The following BANK1 variants were observed in gnomAD, a reference collection of about 807,000 sequenced individuals.
BANK1 encodes the protein B cell scaffold protein with ankyrin repeats 1.
BANK1 carries 95 observed loss-of-function variants against 94.5 expected under a neutral mutation model. That is an observed-to-expected ratio of 1.00 (90% CI 0.85 to 1.19). BANK1 has a LOEUF of 1.19. Ranked by LOEUF, BANK1 falls within the 50% of genes most tolerant of loss-of-function variation. The probability of loss-of-function intolerance (pLI) is 0.00; values close to 1 mark genes in which losing one functional copy is unlikely to be tolerated. For missense variants in BANK1, 987 were observed against 932.2 expected, an observed-to-expected ratio of 1.06 and a Z score of -0.77; for synonymous variants, 334 against 308.4, an observed-to-expected ratio of 1.08 and a Z score of -0.87.
At chr4:101,932,917 A>G (rs940894309) in intron 7 of BANK1, among the ~76,000 whole-genome samples, 1 of 151,524 alleles carries the variant, frequency 6.6e-6, no homozygotes, top group African/African-American at 2.4e-5. Context: ...GCTTTGTAAA[A>G]TGGATCTGGC....
At chr4:101,951,084 T>C (rs959632247) in intron 7 of BANK1, among the ~76,000 whole-genome samples, 2 of 152,092 alleles carry the variant, frequency 1.3e-5, no homozygotes, top group Non-Finnish European at 2.9e-5. Context: ...ACTAAGGAAA[T>C]CTGAGTAAAA....
At chr4:101,960,752 A>G (rs889108818) in intron 7 of BANK1, among the ~76,000 whole-genome samples, 8 of 152,182 alleles carry the variant, frequency 5.3e-5, no homozygotes, top group African/African-American at 1.7e-4. Flanking sequence ...AAGCATAACT[A>G]TGTGCTATTA....
chr4:101,961,330 A>C (rs1724562909), intron 7 of BANK1, among the ~76,000 whole-genome samples: 1 of 152,162 alleles, frequency 6.6e-6, no homozygotes, highest in Non-Finnish European at 1.5e-5. Flanking sequence ...CCAGACTCTC[A>C]TGTTACTGAC....
rs1474298862 is a variant in BANK1, at chr4:101,866,913, G to A, written c.764-3592G>A. ...CATCATTCTCAGTAAACTATCGCAA[G>A]AACAAAAAACCAAACGCCGCATATT... is the stretch of plus-strand genomic sequence containing the variant. On this transcript the variant is annotated intron_variant, in intron 4 of 16. Transcript: ENST00000322953. Among the ~76,000 whole-genome samples, 4 of 68,434 alleles carry A rather than the reference G, an allele frequency of 5.8e-5. No individual in the cohort carries two copies. The East Asian group carries it at 1.4e-3, about 24-fold the overall frequency. The allele number at this position is 68,434 out of a possible 152,430, so 44.9% of individuals were successfully genotyped here.
chr4:102,072,327 C>G lies in BANK1; in HGVS notation c.2243-18C>G. 6.5e-7 allele frequency: 1 copy of G among 1,541,364 alleles called. No homozygotes were observed. Among genetic ancestry groups the G allele is most frequent in the Non-Finnish European group, 8.9e-7 (1 of 1,117,476 alleles). On this transcript the variant is annotated intron_variant, in intron 14 of 16. Coordinates refer to ENST00000322953, the MANE Select transcript of BANK1 (RefSeq NM_017935.5). ...TTGTGAATGAATAAAGAGGTAATAA[C>G]TGAGTTTGTATTTCTAGGTAAGGAA...
chr4:101,807,726 G>A (rs1052653856), intron 1 of BANK1, among the ~76,000 whole-genome samples: 2 of 152,062 alleles, frequency 1.3e-5, no homozygotes, highest in Non-Finnish European at 1.5e-5. Flanking sequence ...AGGAAATCTA[G>A]GCACAACAAG....
chr4:101,870,370 A>C, intron 4 of BANK1, 135 bp from the exon 5 acceptor site: 1 of 753,332 alleles, frequency 1.3e-6, no homozygotes, highest in African/African-American at 1.8e-5. Context: ...AAGAATTTTA[A>C]AAATGATTTT....
rs140882428 is a variant in BANK1 at position 102,019,017 on chromosome 4, C to CA, written c.1207-2496dup. ...ATTTTTAGTAGAGACAGAGTTTCAC[C>CA]ATGTTGGCCAGGCTGGTCTTGAACT... On this transcript the variant is annotated intron_variant, in intron 7 of 16. Transcript: ENST00000322953. 8.6e-3 allele frequency among the ~76,000 whole-genome samples: 1,308 copies of CA among 152,002 alleles called. 10 individuals are homozygous for CA. The highest frequency in any genetic ancestry group is 0.015 in the Non-Finnish European group (1,029 of 67,974).
intron 10 of BANK1, among the ~76,000 whole-genome samples, chr4:102,040,115 A>G (rs369138416): frequency 2.0e-5 from 3 of 152,084 alleles, no homozygotes; most frequent in African/African-American, 7.2e-5. Context: ...TAGACCACAA[A>G]TGAGGTTGAC....
intron 12 of BANK1, chr4:102,061,864 A>T (rs967722239): frequency 6.6e-6 from 1 of 152,156 alleles, no homozygotes; most frequent in Non-Finnish European, 1.5e-5. Flanking sequence ...TGCTTATTTT[A>T]AAAAATTATT....
chr4:101,956,305 C>T (rs192552518), intron 7 of BANK1, among the ~76,000 whole-genome samples: 1 of 152,160 alleles, frequency 6.6e-6, no homozygotes, highest in Admixed American at 6.6e-5. Context: ...TCCTGTATTT[C>T]CATGGAAACC....
At chr4:101,900,800 G>A (rs1419805228) in intron 6 of BANK1, among the ~76,000 whole-genome samples, 1 of 152,128 alleles carries the variant, frequency 6.6e-6, no homozygotes, top group Non-Finnish European at 1.5e-5. Context: ...TTGGTATTAA[G>A]TATATAAGTC....
chr4:101,862,634 A>T lies in BANK1; in HGVS notation c.733A>T (p.Asn245Tyr). The change falls in exon 4 of 17, where the codon AAT becomes TAT. Residue 245 changes from asparagine to tyrosine, a missense_variant. Coordinates refer to ENST00000322953, the MANE Select transcript of BANK1 (RefSeq NM_017935.5). ...KRIRTRPALW[N>Y]KKVWCMKALE... The stretch of plus-strand genomic sequence containing the variant: ...CATTAGAACACGGCCAGCCCTTTGG[A>T]ATAAGAAAGTCTGGTGCATGAAAGC... 1.3e-5 allele frequency: 21 copies of T among 1,608,894 alleles called. No homozygotes were observed. The highest frequency in any genetic ancestry group is 1.8e-5 in the Non-Finnish European group (21 of 1,177,752).
chr4:101,869,159 C>T (rs1728187495), intron 4 of BANK1, among the ~76,000 whole-genome samples: 1 of 151,784 alleles, frequency 6.6e-6, no homozygotes, highest in Admixed American at 6.6e-5. Context: ...GTTAACTCCC[C>T]ATGGTAAAAC....
At chr4:101,832,394 C>T (rs138643378) in intron 2 of BANK1, among the ~76,000 whole-genome samples, 11 of 152,208 alleles carry the variant, frequency 7.2e-5, no homozygotes, top group South Asian at 2.1e-4. Context: ...TCTAAGTTTA[C>T]GGTTTATTTT....
intron 7 of BANK1, among the ~76,000 whole-genome samples, chr4:101,950,856 G>C (rs1724125467): frequency 6.6e-6 from 1 of 152,070 alleles, no homozygotes; most frequent in Non-Finnish European, 1.5e-5. Flanking sequence ...CCACCATTGA[G>C]GTCTTCCGCC....
chr4:101,893,482 G>A (rs535565084), intron 5 of BANK1, among the ~76,000 whole-genome samples: 1 of 152,064 alleles, frequency 6.6e-6, no homozygotes, highest in East Asian at 1.9e-4. Flanking sequence ...AACTGTCATG[G>A]CCATTGACAC....
At position 102,030,223 on chromosome 4, in the gene BANK1, A is replaced by G; in HGVS notation, c.1858A>G (p.Ser620Gly). 6.2e-7 allele frequency: 1 copy of G among 1,608,120 alleles called. No homozygotes were observed. The highest frequency in any genetic ancestry group is 1.1e-5 in the South Asian group (1 of 89,596). ...RPPAPTPRPT[S>G]IPPKEETTPY... is the part of the protein sequence containing the mutation. ...TCCTGCCCCCACACCCCGACCCACAAGTATACCTCCAAAAGAGGAAACTAC... is the reference window on the plus strand; with the variant it reads ...TCCTGCCCCCACACCCCGACCCACAGGTATACCTCCAAAAGAGGAAACTAC... The change falls in exon 10 of 17, where the codon AGT (serine) becomes GGT (glycine). Residue 620 changes from serine to glycine, a missense_variant. Coordinates refer to ENST00000322953, the MANE Select transcript of BANK1 (RefSeq NM_017935.5).
chr4:101,892,109 G>A (rs1721898369), intron 5 of BANK1, among the ~76,000 whole-genome samples: 1 of 151,472 alleles, frequency 6.6e-6, no homozygotes, highest in South Asian at 2.1e-4. Flanking sequence ...TGTATTTAGG[G>A]AGAGGAAAAA....
Sources: allele counts gnomAD v4.1 joint callset (sites outside exome capture counted in the v4.1 genomes callset), GRCh38; gene constraint gnomAD v4.1.1; transcripts MANE v1.5; gene names NCBI Gene and HGNC (gene_info 2026-07-23, HGNC 2026-07-21).